Variants in DPYD observed in about 807,000 individuals in gnomAD.
DPYD encodes the protein dihydropyrimidine dehydrogenase.
A neutral mutation model predicts 116.2 loss-of-function variants in DPYD; 109 were observed. The observed-to-expected ratio is 0.94, with a 90% CI of 0.80 to 1.10. DPYD has a LOEUF of 1.10. DPYD is among the 50% of genes least tolerant of loss of function. DPYD has a pLI of 0.00. For missense variants in DPYD, 1,302 were observed against 1,254.5 expected (o/e 1.04, Z -0.57); for synonymous variants, 440 against 432.0 (o/e 1.02, Z -0.23).
intron 16 of DPYD, among the ~76,000 whole-genome samples, chr1:97,349,237 T>C (rs1670008824): frequency 6.6e-6 from 1 of 151,868 alleles, no homozygotes; most frequent in Non-Finnish European, 1.5e-5. Flanking sequence ...TAAAATAAGC[T>C]CTCAAAAATG....
intron 2 of DPYD, among the ~76,000 whole-genome samples, chr1:97,837,858 G>A (rs904919695): frequency 9.9e-5 from 15 of 152,038 alleles, no homozygotes; most frequent in Non-Finnish European, 2.2e-4. Flanking sequence ...TAGAAGCAGG[G>A]ATCTGAATAG....
At chr1:97,449,609 A>G (rs910353960) in intron 14 of DPYD, among the ~76,000 whole-genome samples, 27 of 152,230 alleles carry the variant, frequency 1.8e-4, no homozygotes, top group African/African-American at 6.0e-4. Context: ...CTAATTTAGT[A>G]TAGGAGTGTT....
At chr1:97,550,970 T>G (rs2811161) in intron 11 of DPYD, among the ~76,000 whole-genome samples, 3,842 of 152,236 alleles carry the variant, frequency 0.025, 159 homozygotes, top group African/African-American at 0.087. Context: ...TTATTGAGGG[T>G]TTACTGTTGA....
chr1:97,152,993 C>T (rs1655147052), intron 20 of DPYD, among the ~76,000 whole-genome samples: 1 of 152,014 alleles, frequency 6.6e-6, no homozygotes, highest in South Asian at 2.1e-4. Context: ...TAGAGGAGTT[C>T]ATTTTTTTAA....
intron 20 of DPYD, among the ~76,000 whole-genome samples, chr1:97,117,290 C>A (rs1015100137): frequency 2.6e-5 from 4 of 152,310 alleles, no homozygotes; most frequent in South Asian, 4.1e-4. Flanking sequence ...TATCAAGTGT[C>A]GCTCATTTAT....
At chr1:97,685,427 T>C (rs9748744) in intron 7 of DPYD, among the ~76,000 whole-genome samples, 1 of 152,142 alleles carries the variant, frequency 6.6e-6, no homozygotes, top group Non-Finnish European at 1.5e-5. Flanking sequence ...CCTTGAAAAC[T>C]GGCATAAGAC....
chr1:97,299,463 C>T (rs1278231243), intron 18 of DPYD, among the ~76,000 whole-genome samples: 1 of 151,920 alleles, frequency 6.6e-6, no homozygotes, highest in African/African-American at 2.4e-5. Context: ...ATATAATATC[C>T]AGGTACCCAT....
chr1:97,310,662 G>T (rs1667455909), intron 16 of DPYD, among the ~76,000 whole-genome samples: 1 of 151,632 alleles, frequency 6.6e-6, no homozygotes, highest in African/African-American at 2.4e-5. Context: ...TTCTAAAGGT[G>T]GTCCAACCAC....
intron 18 of DPYD, among the ~76,000 whole-genome samples, chr1:97,236,190 T>G (rs1232134296): frequency 1.3e-5 from 2 of 152,142 alleles, no homozygotes; most frequent in African/African-American, 4.8e-5. Flanking sequence ...GCAGTTCAAC[T>G]TATGCAAGAA....
At chr1:97,758,968 C>T (rs995158533) in intron 3 of DPYD, among the ~76,000 whole-genome samples, 7 of 152,112 alleles carry the variant, frequency 4.6e-5, no homozygotes, top group South Asian at 2.1e-4. Flanking sequence ...GGAAATGAGA[C>T]AATATTTACC....
At chr1:97,895,092 T>C (rs953348511) in intron 1 of DPYD, among the ~76,000 whole-genome samples, 1 of 151,820 alleles carries the variant, frequency 6.6e-6, no homozygotes, top group Non-Finnish European at 1.5e-5. Context: ...TATACTTTTT[T>C]TCATTCAAAA....
At chr1:97,257,452 T>TATATATATATATATATATAGAG (rs375490078) in intron 18 of DPYD, among the ~76,000 whole-genome samples, 3 of 126,474 alleles carry the variant, frequency 2.4e-5, no homozygotes, top group Admixed American at 8.0e-5. Flanking sequence ...TATATATATA[T>TATATATATATATATATATAGAG]AGAGAGAGAG....
At chr1:97,221,739 G>A (rs2101893546) in intron 19 of DPYD, among the ~76,000 whole-genome samples, 1 of 152,062 alleles carries the variant, frequency 6.6e-6, no homozygotes, top group South Asian at 2.1e-4. Context: ...GAACAATTTT[G>A]GAACATTTCT....
At chr1:97,214,129 C>A (rs1191384807) in intron 19 of DPYD, among the ~76,000 whole-genome samples, 1 of 152,152 alleles carries the variant, frequency 6.6e-6, no homozygotes, top group Non-Finnish European at 1.5e-5. Context: ...CTCCAGGTTC[C>A]AGCAAGCCTT....
chr1:97,349,707 T>C (rs1478677720), intron 16 of DPYD, among the ~76,000 whole-genome samples: 3 of 152,158 alleles, frequency 2.0e-5, no homozygotes, highest in Non-Finnish European at 2.9e-5. Flanking sequence ...TAGTATTCCA[T>C]GGTGTATATG....
intron 2 of DPYD, among the ~76,000 whole-genome samples, chr1:97,839,026 A>T (rs928169523): frequency 6.6e-6 from 1 of 152,218 alleles, no homozygotes; most frequent in Non-Finnish European, 1.5e-5. Flanking sequence ...AAATAAGTTT[A>T]TAGCCTTAAA....
chr1:97,642,130 C>G (rs1657943459), intron 8 of DPYD, among the ~76,000 whole-genome samples: 1 of 152,122 alleles, frequency 6.6e-6, no homozygotes, highest in East Asian at 1.9e-4. Flanking sequence ...ACATTCCATG[C>G]TCATGGAGAG....
At chr1:97,215,884 A>G (rs1444982406) in intron 19 of DPYD, among the ~76,000 whole-genome samples, 4 of 152,194 alleles carry the variant, frequency 2.6e-5, no homozygotes, top group African/African-American at 9.7e-5. Flanking sequence ...TAATGACTAC[A>G]GACTCTCTTT....
intron 14 of DPYD, among the ~76,000 whole-genome samples, chr1:97,439,730 C>G (rs2101755857): frequency 6.6e-6 from 1 of 151,650 alleles, no homozygotes; most frequent in African/African-American, 2.4e-5. Flanking sequence ...CCACTCTGAT[C>G]TTTATTATAT....
Sources: allele counts gnomAD v4.1 joint callset (sites outside exome capture counted in the v4.1 genomes callset), GRCh38; gene constraint gnomAD v4.1.1; transcripts MANE v1.5; gene names NCBI Gene and HGNC (gene_info 2026-07-23, HGNC 2026-07-21).